The following TCF3 variants were observed in gnomAD, a reference collection of about 807,000 sequenced individuals.
TCF3 encodes transcription factor E2-alpha.
A neutral mutation model predicts 72.3 loss-of-function variants in TCF3; 54 were observed. The observed-to-expected ratio is 0.75, with a 90% CI of 0.60 to 0.94. The LOEUF (loss-of-function observed/expected upper bound fraction) is 0.94, where lower values mean the gene tolerates loss of function less well. Ranked by LOEUF, TCF3 falls within the 40% of genes least tolerant of loss-of-function variation. The probability of loss-of-function intolerance (pLI) is 0.00; values close to 1 mark genes in which losing one functional copy is unlikely to be tolerated. For synonymous variants in TCF3, 525 were observed against 412.6 expected, an observed-to-expected ratio of 1.27 and a Z score of -3.30; for missense variants, 1,078 against 934.4, an observed-to-expected ratio of 1.15 and a Z score of -2.00.
intron 13 of TCF3, 35 bp downstream of exon 13, chr19:1,620,933 C>T (rs1599588095): frequency 3.4e-6 from 5 of 1,452,984 alleles, no homozygotes; most frequent in African/African-American, 2.9e-5. Flanking sequence ...CCCTCACAGA[C>T]CTCAGCCTCC....
At chr19:1,612,413 GACAGCACCTCGTCCGTACTGCTGGGTC>G in intron 18 of TCF3, 1 of 1,602,160 alleles carries the variant, frequency 6.2e-7, no homozygotes, top group East Asian at 2.3e-5. Context: ...CTCCTCCAGG[GACAGCACCTCGTCCGTACTGCTGGGTC>G]ACAGCACCGA....
chr19:1,625,405 ACCC>A (rs1011664794), intron 7 of TCF3, among the ~76,000 whole-genome samples, 168 bp downstream of exon 7: 2 of 151,708 alleles, frequency 1.3e-5, no homozygotes, highest in Non-Finnish European at 2.9e-5. Context: ...CCCTGCCTCG[ACCC>A]CCCGTCACCG....
At chr19:1,630,540 C>T (rs148686765) in intron 5 of TCF3, among the ~76,000 whole-genome samples, 2 of 152,152 alleles carry the variant, frequency 1.3e-5, no homozygotes. Context: ...CCAACAATGC[C>T]GAGGGGTACA....
intron 3 of TCF3, among the ~76,000 whole-genome samples, chr19:1,640,091 C>G (rs998793064): frequency 6.6e-6 from 1 of 152,148 alleles, no homozygotes; most frequent in Non-Finnish European, 1.5e-5. Flanking sequence ...CATTGAGGAC[C>G]GCGGCGCCCT....
At chr19:1,646,997 G>A (rs2066216133) in intron 2 of TCF3, among the ~76,000 whole-genome samples, 1 of 152,188 alleles carries the variant, frequency 6.6e-6, no homozygotes, top group African/African-American at 2.4e-5. Context: ...CTGGGTATGG[G>A]TTTGCTTGGC....
chr19:1,627,298 A>G (rs1267833958), intron 6 of TCF3, 61 bp downstream of exon 6: 2 of 1,435,084 alleles, frequency 1.4e-6, no homozygotes, highest in African/African-American at 2.8e-5. Context: ...CAGATCAGAG[A>G]GGGTGGGTGA....
intron 3 of TCF3, among the ~76,000 whole-genome samples, chr19:1,641,371 C>A (rs1178849874): frequency 6.6e-6 from 1 of 152,114 alleles, no homozygotes; most frequent in African/African-American, 2.4e-5. Flanking sequence ...AATCACAGCA[C>A]TCTGGGAGGC....
In TCF3 at chr19:1,652,359, G is replaced by GCCC. The variant is rs560259384; in HGVS notation, c.-102_-100dup. 1 of 138,586 alleles carries GCCC rather than the reference G, an allele frequency of 7.2e-6. No homozygotes were observed. Among genetic ancestry groups the GCCC allele is most frequent in the African/African-American group, 2.6e-5 (1 of 38,218 alleles). 8.6% of individuals were successfully genotyped at this position (138,586 alleles called of 1,614,324 possible). The stretch of plus-strand genomic sequence containing the variant: ...GGGGGCGGCGGCATGAAGCGGGGGG[G>GCCC]CCCCCCCCCGGACAAAGGTGCGTCG... On this transcript the variant is annotated 5_prime_UTR_variant, in exon 1 of 19. Coordinates refer to ENST00000262965, the MANE Select transcript of TCF3 (RefSeq NM_003200.5).
chr19:1,621,534 A>C (rs1229362601), intron 11 of TCF3, among the ~76,000 whole-genome samples: 1 of 150,988 alleles, frequency 6.6e-6, no homozygotes, highest in African/African-American at 2.4e-5. Context: ...TGGGTGGGTG[A>C]GTCCCTCTCT....
chr19:1,643,068 G>A (rs764531853), intron 3 of TCF3, among the ~76,000 whole-genome samples: 1 of 152,326 alleles, frequency 6.6e-6, no homozygotes, highest in East Asian at 1.9e-4. Context: ...GCAGAAGATA[G>A]GCTGTCACTC....
chr19:1,630,076 C>G, intron 5 of TCF3, among the ~76,000 whole-genome samples: 1 of 152,222 alleles, frequency 6.6e-6, no homozygotes, highest in East Asian at 1.9e-4. Context: ...GCCTGGGCCC[C>G]ACCCGTGGGG....
chr19:1,637,504 T>G (rs1380200350), intron 3 of TCF3, among the ~76,000 whole-genome samples: 3 of 152,206 alleles, frequency 2.0e-5, no homozygotes, highest in African/African-American at 7.2e-5. Context: ...TGAATTTCAG[T>G]GACCACAGAG....
At chr19:1,626,191 C>G (rs1452648543) in intron 6 of TCF3, among the ~76,000 whole-genome samples, 3 of 152,198 alleles carry the variant, frequency 2.0e-5, no homozygotes, top group Non-Finnish European at 2.9e-5. Context: ...TGGCTCACAC[C>G]TATTATCCCA....
chr19:1,624,699 A>G (rs2062668899), intron 7 of TCF3, among the ~76,000 whole-genome samples: 1 of 152,182 alleles, frequency 6.6e-6, no homozygotes, highest in Non-Finnish European at 1.5e-5. Context: ...TCACTCACGG[A>G]CGTGCGCACA....
At chr19:1,619,648 C>T (rs1031549679) in intron 14 of TCF3, 132 bp downstream of exon 14, 11 of 1,259,878 alleles carry the variant, frequency 8.7e-6, no homozygotes, top group African/African-American at 6.0e-5. Context: ...TGTGCCTTGG[C>T]GGCCACGAGG....
intron 1 of TCF3, chr19:1,651,206 G>A (rs902915709): frequency 1.7e-5 from 4 of 229,256 alleles, no homozygotes; most frequent in Non-Finnish European, 3.5e-5. Flanking sequence ...CCAAAGAAAT[G>A]CACTCCAGGC....
chr19:1,621,805 T>C, intron 11 of TCF3, 33 bp downstream of exon 11: 1 of 1,551,010 alleles, frequency 6.4e-7, no homozygotes, highest in East Asian at 2.3e-5. Context: ...CAGTGTCCCC[T>C]CGGAGAGGCC....
chr19:1,615,158 C>T lies in TCF3; in HGVS notation c.1822+127G>A, dbSNP rs2061423043. 1 of 1,176,598 alleles carries T rather than the reference C, an allele frequency of 8.5e-7. No individual in the cohort carries two copies. The highest frequency in any genetic ancestry group is 1.5e-5 in the African/African-American group (1 of 64,684). The allele number at this position is 1,176,598 out of a possible 1,614,324, so 72.9% of individuals were successfully genotyped here. On this transcript the variant is annotated intron_variant, in intron 18 of 18. Transcript: ENST00000262965. The surrounding 1 kb of genome is among the most constrained non-coding windows in gnomAD (Gnocchi z 7.3). The stretch of plus-strand genomic sequence containing the variant: ...GTCAGAGGGGTGAAGGGCACAGTCA[C>T]TGCAAGGAGGCAACTGCTGCAGAGG...
At chr19:1,632,807 T>C (rs2063868790) in intron 3 of TCF3, among the ~76,000 whole-genome samples, 1 of 152,178 alleles carries the variant, frequency 6.6e-6, no homozygotes, top group South Asian at 2.1e-4. Context: ...TGCAGACTCT[T>C]CTGACCCTGT....
Sources: gnomAD v4.1 joint callset for allele counts (sites outside exome capture counted in the v4.1 genomes callset) on GRCh38, gnomAD v4.1.1 for gene constraint, Gnocchi (gnomAD v3.1) non-coding constraint, MANE v1.5 for transcripts, NCBI Gene and HGNC (gene_info 2026-07-23, HGNC 2026-07-21) for gene names.